The following CLEC16A variants were observed in gnomAD, a reference collection of about 807,000 sequenced individuals.
CLEC16A encodes protein CLEC16A.
In CLEC16A, 51 loss-of-function variants were observed where a neutral mutation model predicts 109.5. That is an observed-to-expected ratio of 0.47 (90% CI 0.37 to 0.59). CLEC16A has a LOEUF of 0.59. Among genes scored for constraint, CLEC16A ranks in the 20% least tolerant of loss-of-function variants. CLEC16A has a pLI of 0.00. For synonymous variants in CLEC16A, 673 were observed against 564.2 expected (o/e 1.19, Z -2.73); for missense variants, 1,339 against 1,394.0 (o/e 0.96, Z 0.63).
chr16:11,070,668 T>G (rs2152924985), intron 19 of CLEC16A: 1 of 152,278 alleles, frequency 6.6e-6, no homozygotes, highest in South Asian at 2.1e-4. Flanking sequence ...CCCATGCCAG[T>G]CTGAATAAAA....
intron 19 of CLEC16A, among the ~76,000 whole-genome samples, chr16:11,075,402 G>GTGTGTGTGTC (rs2049302799): frequency 2.2e-5 from 3 of 138,022 alleles, no homozygotes; most frequent in South Asian, 2.4e-4. Context: ...GTGTGTGTGT[G>GTGTGTGTGTC]TGTGTGTGTC....
At chr16:11,083,838 A>T (rs2049867517) in intron 19 of CLEC16A, among the ~76,000 whole-genome samples, 1 of 152,062 alleles carries the variant, frequency 6.6e-6, no homozygotes, top group Non-Finnish European at 1.5e-5. Flanking sequence ...ACCTGACATG[A>T]AGAGTCTGTC....
At chr16:11,166,617 C>T (rs2068275081) in intron 23 of CLEC16A, 65 bp downstream of exon 23, 2 of 1,455,746 alleles carry the variant, frequency 1.4e-6, no homozygotes, top group South Asian at 1.4e-5. Flanking sequence ...TCACCATTAC[C>T]AAAACCCCTG....
chr16:10,996,056 C>A (rs1244350774), intron 10 of CLEC16A, among the ~76,000 whole-genome samples: 1 of 152,154 alleles, frequency 6.6e-6, no homozygotes, highest in Non-Finnish European at 1.5e-5. Context: ...AACCAAGATT[C>A]TTCCCTGGGC....
chr16:10,967,594 A>T (rs1266980369), intron 3 of CLEC16A, among the ~76,000 whole-genome samples: 1 of 152,202 alleles, frequency 6.6e-6, no homozygotes, highest in Non-Finnish European at 1.5e-5. Context: ...ATGGCAGTTA[A>T]CATTATCGAG....
chr16:11,020,242 C>G lies in CLEC16A; in HGVS notation c.1353C>G (p.Ala451=). ...MERSKLSELA[A]STSVQEQNTT... ...GTAGCAAGCTCTCAGAGCTGGCCGC[C>G]AGCACCTCCGTGCAGGAGCAGAACA... Residue 451 remains alanine (A), a synonymous_variant, in exon 12 of 24, where the codon GCC becomes GCG. Transcript: ENST00000409790. 2 of 1,613,772 alleles carry G rather than the reference C, an allele frequency of 1.2e-6. No individual in the cohort carries two copies. The highest frequency in any genetic ancestry group is 1.7e-6 in the Non-Finnish European group (2 of 1,179,764).
chr16:11,048,330 G>A (rs1420757846), intron 17 of CLEC16A: 1 of 152,248 alleles, frequency 6.6e-6, no homozygotes, highest in Non-Finnish European at 1.5e-5. Context: ...CAGAATCGCG[G>A]GAAGCCATAG....
chr16:11,137,262 T>C (rs1361969126), intron 22 of CLEC16A, among the ~76,000 whole-genome samples: 3 of 152,150 alleles, frequency 2.0e-5, no homozygotes, highest in Non-Finnish European at 4.4e-5. Context: ...TGATAGGAGA[T>C]GCCAAGGTGT....
chr16:10,997,745 C>T (rs2044416878), intron 10 of CLEC16A, among the ~76,000 whole-genome samples: 1 of 152,226 alleles, frequency 6.6e-6, no homozygotes, highest in Non-Finnish European at 1.5e-5. Context: ...AACCACTGTT[C>T]TCAGTTTGTA....
At chr16:11,172,984 C>A (rs1411460419) in intron 23 of CLEC16A, among the ~76,000 whole-genome samples, 1 of 152,146 alleles carries the variant, frequency 6.6e-6, no homozygotes, top group Non-Finnish European at 1.5e-5. Flanking sequence ...GGTCTGGCTG[C>A]TGTTGACGGC....
intron 22 of CLEC16A, among the ~76,000 whole-genome samples, chr16:11,130,055 C>T (rs1336943669): frequency 6.6e-6 from 1 of 152,186 alleles, no homozygotes; most frequent in Non-Finnish European, 1.5e-5. Context: ...AGCCACCGCA[C>T]CCAGCCTAGC....
At chr16:11,060,762 C>T in intron 18 of CLEC16A, 140 bp from the exon 19 acceptor site, 1 of 857,146 alleles carries the variant, frequency 1.2e-6, no homozygotes, top group Admixed American at 3.0e-5. Flanking sequence ...GTACCAGAAT[C>T]AAAACACCCG....
chr16:11,003,009 C>A, intron 10 of CLEC16A, 65 bp from the exon 11 acceptor site: 1 of 1,360,086 alleles, frequency 7.4e-7, no homozygotes, highest in Non-Finnish European at 9.9e-7. Flanking sequence ...TTTTGGGCAA[C>A]TTGATAGCAT....
intron 19 of CLEC16A, among the ~76,000 whole-genome samples, chr16:11,065,828 C>T (rs741175): frequency 0.54 from 82,165 of 152,064 alleles, 22,512 homozygotes; most frequent in East Asian, 0.66. Context: ...GGTGCTGTGT[C>T]CCAGGGTCCT....
chr16:11,108,094 C>G (rs79210936), intron 19 of CLEC16A, among the ~76,000 whole-genome samples: 1 of 152,240 alleles, frequency 6.6e-6, no homozygotes, highest in South Asian at 2.1e-4. Context: ...CCCACAGAGG[C>G]TGATTCCCCA....
At chr16:11,029,914 C>T (rs1239303514) in intron 13 of CLEC16A, among the ~76,000 whole-genome samples, 1 of 152,164 alleles carries the variant, frequency 6.6e-6, no homozygotes, top group Non-Finnish European at 1.5e-5. Context: ...CAAGTAACAC[C>T]AGTCTGCTTC....
chr16:11,065,499 T>C (rs557729104), intron 19 of CLEC16A, among the ~76,000 whole-genome samples: 1 of 152,386 alleles, frequency 6.6e-6, no homozygotes, highest in East Asian at 1.9e-4. Flanking sequence ...CCAGGCACAG[T>C]GCTAGGAGCT....
rs2044765701 is a variant in CLEC16A at position 11,003,086 on chromosome 16, A to T, written c.1084A>T (p.Ile362Phe). The change falls in exon 11 of 24, where the codon ATT (isoleucine) becomes TTT (phenylalanine). Residue 362 changes from isoleucine (I) to phenylalanine (F), a missense_variant. Ile to Phe is a conservative substitution (Grantham distance 21). Coordinates refer to ENST00000409790, the MANE Select transcript of CLEC16A (RefSeq NM_015226.3). ...DIQRSSAKPSIRCFIKPTETL... is the reference protein window; with the variant it reads ...DIQRSSAKPSFRCFIKPTETL... The stretch of plus-strand genomic sequence containing the variant: ...TGGACTTTCCTAGGCCAAGCCCAGC[A>T]TTCGGTGCTTCATTAAACCCACCGA... 6.2e-7 allele frequency: 1 copy of T among 1,610,798 alleles called. No individual in the cohort carries two copies. The highest frequency in any genetic ancestry group is 1.1e-5 in the South Asian group (1 of 90,588).
At chr16:10,990,171 G>A (rs890612137) in intron 10 of CLEC16A, among the ~76,000 whole-genome samples, 2 of 152,206 alleles carry the variant, frequency 1.3e-5, no homozygotes, top group Non-Finnish European at 2.9e-5. Context: ...TCCCACAAGG[G>A]AATTAGAGCT....
Sources: gnomAD v4.1 joint callset for allele counts (sites outside exome capture counted in the v4.1 genomes callset) on GRCh38, gnomAD v4.1.1 for gene constraint, MANE v1.5 for transcripts, NCBI Gene and HGNC (gene_info 2026-07-23, HGNC 2026-07-21) for gene names.